The following CHAC2 variants were observed in gnomAD, a reference collection of about 807,000 sequenced individuals.
CHAC2 encodes the protein ChaC glutathione specific gamma-glutamylcyclotransferase 2.
A neutral mutation model predicts 16.9 loss-of-function variants in CHAC2; 20 were observed. That is an observed-to-expected ratio of 1.18 (90% CI 0.83 to 1.72). CHAC2 has a LOEUF of 1.72. CHAC2 is among the 40% of genes most tolerant of loss of function. CHAC2 has a pLI of 0.00. For missense variants in CHAC2, 269 were observed against 222.2 expected (o/e 1.21, Z -1.34); for synonymous variants, 91 against 77.3 (o/e 1.18, Z -0.93).
At chr2:53,774,057 T>G in intron 2 of CHAC2, 85 bp from the exon 3 acceptor site, 23 of 1,338,814 alleles carry the variant, frequency 1.7e-5, no homozygotes, top group Non-Finnish European at 2.1e-5. Flanking sequence ...AAAGAATATA[T>G]GAGATACTCC....
intron 2 of CHAC2, 69 bp from the exon 3 acceptor site, chr2:53,774,073 A>T (rs1674150032): frequency 2.8e-6 from 4 of 1,435,582 alleles, no homozygotes; most frequent in Non-Finnish European, 3.8e-6. Context: ...ACTCCCTTAG[A>T]TCACAACCTT....
Position 53,768,041 on chromosome 2 carries a change from C to A in CHAC2, c.135+20C>A. 3 of 1,611,368 alleles carry A rather than the reference C, an allele frequency of 1.9e-6. No individual in the cohort carries two copies. The highest frequency in any genetic ancestry group is 2.5e-6 in the Non-Finnish European group (3 of 1,179,820). ...GGCAAGGTGAGGCGCCGGTCAGCTC[C>A]CCACACTTACTGCCCCCTGACCCCT... On this transcript the variant is annotated intron_variant, in intron 1 of 2. Transcript: ENST00000295304.
chr2:53,772,491 A>G (rs1674012934), intron 2 of CHAC2, among the ~76,000 whole-genome samples: 2 of 152,150 alleles, frequency 1.3e-5, no homozygotes, highest in African/African-American at 4.8e-5. Flanking sequence ...TTTTTTAAAA[A>G]CAAGTTTATT....
chr2:53,770,756 TG>T (rs1239443882), intron 1 of CHAC2, among the ~76,000 whole-genome samples: 1 of 152,146 alleles, frequency 6.6e-6, no homozygotes, highest in Non-Finnish European at 1.5e-5. Flanking sequence ...AAAACCAAAA[TG>T]GGAAAATAAA....
At chr2:53,770,593 T>C (rs911371285) in intron 1 of CHAC2, among the ~76,000 whole-genome samples, 2 of 150,942 alleles carry the variant, frequency 1.3e-5, no homozygotes, top group Admixed American at 6.6e-5. Context: ...GGACTTTCTC[T>C]AAGGCTTTCC....
At chr2:53,769,937 C>T (rs2104133474) in intron 1 of CHAC2, among the ~76,000 whole-genome samples, 1 of 152,326 alleles carries the variant, frequency 6.6e-6, no homozygotes, top group Admixed American at 6.5e-5. Context: ...CATATCTTAG[C>T]TCTATTTATT....
At position 53,774,498 on chromosome 2, in the gene CHAC2, A is replaced by G; in HGVS notation, c.528A>G (p.Glu176=). ...AAAAATTAGTAAAGGAACGTTTAGA[A>G]GGGAAACAGAACCTCAATTGCATAT... ...ALEKLVKERL[E]GKQNLNCI is the part of the protein sequence containing the mutation. Residue 176 remains glutamate, a synonymous_variant, in exon 3 of 3, where the codon GAA becomes GAG. Transcript: ENST00000295304. 1 of 1,563,416 alleles carries G rather than the reference A, an allele frequency of 6.4e-7. No individual in the cohort carries two copies. The highest frequency in any genetic ancestry group is 1.2e-5 in the South Asian group (1 of 80,676).
intron 2 of CHAC2, among the ~76,000 whole-genome samples, chr2:53,773,100 G>C (rs1674060320): frequency 6.6e-6 from 1 of 152,110 alleles, no homozygotes; most frequent in South Asian, 2.1e-4. Flanking sequence ...TGTGGATTAG[G>C]AAATGCTTTC....
rs772430568 is a variant in CHAC2 at position 53,767,879 on chromosome 2, G to A, written c.-8G>A. On this transcript the variant is annotated 5_prime_UTR_variant, in exon 1 of 3. Coordinates refer to ENST00000295304, the MANE Select transcript of CHAC2 (RefSeq NM_001008708.4). Reference sequence around the variant, plus strand: ...TCACGGCCACTGGGGCAGAGGAGCCGCGAGAAGATGTGGGTTTTTGGTTAC... The same window carrying A: ...TCACGGCCACTGGGGCAGAGGAGCCACGAGAAGATGTGGGTTTTTGGTTAC... The A allele has an allele frequency of 8.1e-6, 13 of 1,603,970 alleles. No homozygotes were observed. In the Middle Eastern group the frequency reaches 5.0e-4, roughly 61 times the overall value.
chr2:53,769,553 G>T (rs1173625050), intron 1 of CHAC2, among the ~76,000 whole-genome samples: 1 of 152,186 alleles, frequency 6.6e-6, no homozygotes, highest in Non-Finnish European at 1.5e-5. Flanking sequence ...TCTTTAAAAG[G>T]AGAAAGGGGC....
In CHAC2 at chr2:53,771,905, A is replaced by G; in HGVS notation, c.136-2A>G. Reference sequence around the variant, plus strand: ...AAATTTTTTTTTACCTTTTTAAAACAGCCTGGAAGAGTTGTGACTCTTGTT... The same window carrying G: ...AAATTTTTTTTTACCTTTTTAAAACGGCCTGGAAGAGTTGTGACTCTTGTT... On this transcript the variant is annotated splice_acceptor_variant, in intron 1 of 2. Transcript: ENST00000295304. LOFTEE classifies it high-confidence loss of function. 6.4e-7 allele frequency: 1 copy of G among 1,561,040 alleles called. No homozygotes were observed. The highest frequency in any genetic ancestry group is 8.7e-7 in the Non-Finnish European group (1 of 1,148,880).
intron 2 of CHAC2, among the ~76,000 whole-genome samples, chr2:53,772,547 C>A (rs751417934): frequency 7.0e-6 from 1 of 142,900 alleles, no homozygotes; most frequent in Non-Finnish European, 1.5e-5. Context: ...GAAATACCTG[C>A]CCCCGACAGC....
chr2:53,767,880 C>T lies in CHAC2; in HGVS notation c.-7C>T, dbSNP rs1673591534. 1 of 1,604,692 alleles carries T rather than the reference C, an allele frequency of 6.2e-7. No individual in the cohort carries two copies. Among genetic ancestry groups the T allele is most frequent in the South Asian group, 1.1e-5 (1 of 89,640 alleles). ...CACGGCCACTGGGGCAGAGGAGCCGCGAGAAGATGTGGGTTTTTGGTTACG... is the reference window on the plus strand; with the variant it reads ...CACGGCCACTGGGGCAGAGGAGCCGTGAGAAGATGTGGGTTTTTGGTTACG... On this transcript the variant is annotated 5_prime_UTR_variant, in exon 1 of 3. Coordinates refer to ENST00000295304, the MANE Select transcript of CHAC2 (RefSeq NM_001008708.4).
intron 1 of CHAC2, among the ~76,000 whole-genome samples, chr2:53,768,713 T>C (rs1178579783): frequency 2.0e-5 from 3 of 152,236 alleles, no homozygotes; most frequent in Non-Finnish European, 2.9e-5. Context: ...TTCTCATAAT[T>C]ATAATATGAA....
chr2:53,774,453 T>A lies in CHAC2; in HGVS notation c.483T>A (p.Asp161Glu). Residue 161 changes from aspartate to glutamate, a missense_variant, in exon 3 of 3, where the codon GAT (aspartate) becomes GAA (glutamate). Asp to Glu is a conservative substitution (Grantham distance 45, BLOSUM62 2). Transcript: ENST00000295304. ...SIRNLVPEEA[D>E]EHLFALEKLV... ...GGAACCTTGTGCCAGAAGAAGCAGA[T>A]GAGCATCTTTTCGCTTTGGAAAAAT... 1 of 1,602,764 alleles carries A rather than the reference T, an allele frequency of 6.2e-7. No homozygotes were observed. The highest frequency in any genetic ancestry group is 1.1e-5 in the South Asian group (1 of 88,054).
intron 1 of CHAC2, among the ~76,000 whole-genome samples, chr2:53,770,689 C>G (rs907433906): frequency 6.6e-6 from 1 of 151,998 alleles, no homozygotes; most frequent in African/African-American, 2.4e-5. Flanking sequence ...TCATTTCAAC[C>G]TCAAGTTGAA....
intron 1 of CHAC2, among the ~76,000 whole-genome samples, chr2:53,769,085 A>G (rs899792387): frequency 6.6e-6 from 1 of 152,246 alleles, no homozygotes; most frequent in African/African-American, 2.4e-5. Context: ...CAGTGACCTG[A>G]AAAGGGGCAA....
In CHAC2 at chr2:53,771,930, T is replaced by A; in HGVS notation, c.159T>A (p.Val53=). The A allele has an allele frequency of 6.4e-7, 1 of 1,563,610 alleles. No homozygotes were observed. Among genetic ancestry groups the A allele is most frequent in the Non-Finnish European group, 8.7e-7 (1 of 1,149,758 alleles). Residue 53 remains valine (V), a synonymous_variant, in exon 2 of 3, where the codon GTT becomes GTA. Coordinates refer to ENST00000295304, the MANE Select transcript of CHAC2 (RefSeq NM_001008708.4). ...PGKPGRVVTL[V]EDPAGCVWGV... Reference sequence around the variant, plus strand: ...AGCCTGGAAGAGTTGTGACTCTTGTTGAAGATCCTGCGGTATGGTATAAAT... The same window carrying A: ...AGCCTGGAAGAGTTGTGACTCTTGTAGAAGATCCTGCGGTATGGTATAAAT...
chr2:53,771,287 G>T (rs935153267), intron 1 of CHAC2, among the ~76,000 whole-genome samples: 2 of 152,292 alleles, frequency 1.3e-5, no homozygotes, highest in African/African-American at 4.8e-5. Context: ...GGCCGAGACG[G>T]GTGGATTACC....
Sources: gnomAD v4.1 joint callset for allele counts (sites outside exome capture counted in the v4.1 genomes callset) on GRCh38, gnomAD v4.1.1 for gene constraint, MANE v1.5 for transcripts, NCBI Gene and HGNC (gene_info 2026-07-23, HGNC 2026-07-21) for gene names.